The following RALYL variants were observed in gnomAD, a reference collection of about 807,000 sequenced individuals.
RALYL encodes the protein RNA-binding Raly-like protein.
A neutral mutation model predicts 35.1 loss-of-function variants in RALYL; 29 were observed. That is an observed-to-expected ratio of 0.83 (90% CI 0.61 to 1.13). The LOEUF is 1.13. RALYL is among the 50% of genes most tolerant of loss of function. The pLI is 0.00. For synonymous variants in RALYL, 120 were observed against 127.6 expected, an observed-to-expected ratio of 0.94 and a Z score of 0.40; for missense variants, 359 against 360.4, an observed-to-expected ratio of 1.00 and a Z score of 0.03.
intron 2 of RALYL, among the ~76,000 whole-genome samples, chr8:84,706,732 G>A (rs1017058073): frequency 2.6e-5 from 4 of 152,086 alleles, no homozygotes; most frequent in African/African-American, 9.7e-5. Flanking sequence ...GGAACTGAAA[G>A]CTATCAGGAT....
chr8:84,816,828 ATG>A (rs1827418536), intron 4 of RALYL, among the ~76,000 whole-genome samples: 1 of 152,168 alleles, frequency 6.6e-6, no homozygotes, highest in South Asian at 2.1e-4. Flanking sequence ...ATTCTCCCTG[ATG>A]TGATTATTAC....
At chr8:84,630,553 A>T (rs1823698960) in intron 2 of RALYL, among the ~76,000 whole-genome samples, 1 of 152,036 alleles carries the variant, frequency 6.6e-6, no homozygotes, top group Admixed American at 6.6e-5. Context: ...GTTTCTCCTC[A>T]ATAATGCTCA....
intron 1 of RALYL, among the ~76,000 whole-genome samples, chr8:84,481,756 A>C (rs972785812): frequency 6.6e-6 from 1 of 152,138 alleles, no homozygotes; most frequent in Non-Finnish European, 1.5e-5. Context: ...ATGAGTATCT[A>C]AAACAGTAAA....
intron 1 of RALYL, among the ~76,000 whole-genome samples, chr8:84,373,377 C>T (rs751470893): frequency 1.3e-5 from 2 of 151,836 alleles, no homozygotes; most frequent in Non-Finnish European, 2.9e-5. Flanking sequence ...CTCCAATCCA[C>T]CTTGAGTTGA....
chr8:84,685,850 T>C (rs79185499), intron 2 of RALYL, among the ~76,000 whole-genome samples: 1 of 152,294 alleles, frequency 6.6e-6, no homozygotes, highest in African/African-American at 2.4e-5. Context: ...CTGGTTTGCT[T>C]TTGGAAGTGA....
intron 2 of RALYL, among the ~76,000 whole-genome samples, chr8:84,701,255 C>T (rs1840138132): frequency 6.6e-6 from 1 of 152,124 alleles, no homozygotes; most frequent in South Asian, 2.1e-4. Flanking sequence ...GCTGGGAGTA[C>T]ATGGTCCAAG....
chr8:84,638,858 T>G (rs1368545521), intron 2 of RALYL, among the ~76,000 whole-genome samples: 2 of 105,610 alleles, frequency 1.9e-5, no homozygotes, highest in African/African-American at 6.5e-5. Context: ...TACGAGTATC[T>G]AATGCACGCA....
chr8:84,873,116 C>A, intron 6 of RALYL, 168 bp from the exon 7 acceptor site: 1 of 441,142 alleles, frequency 2.3e-6, no homozygotes, highest in Non-Finnish European at 4.1e-6. Flanking sequence ...GCAAAATCAT[C>A]CAGTATTCCA....
At chr8:84,461,916 A>C (rs2050835190) in intron 1 of RALYL, among the ~76,000 whole-genome samples, 1 of 151,580 alleles carries the variant, frequency 6.6e-6, no homozygotes. Flanking sequence ...TTATTACCAA[A>C]AGTCCATAAT....
chr8:84,454,273 G>A (rs1190196007), intron 1 of RALYL, among the ~76,000 whole-genome samples: 1 of 151,964 alleles, frequency 6.6e-6, no homozygotes, highest in East Asian at 1.9e-4. Context: ...CTAGCATCAG[G>A]TAGAAAAATA....
intron 1 of RALYL, among the ~76,000 whole-genome samples, chr8:84,367,330 T>A (rs1563800058): frequency 2.8e-3 from 71 of 24,968 alleles, no homozygotes; most frequent in African/African-American, 0.023. Flanking sequence ...TTTTTTTTTT[T>A]TTTTTTTTTT....
At chr8:84,776,570 A>G (rs1386064303) in intron 3 of RALYL, among the ~76,000 whole-genome samples, 1 of 152,206 alleles carries the variant, frequency 6.6e-6, no homozygotes, top group Non-Finnish European at 1.5e-5. Flanking sequence ...TATCAGATTC[A>G]TTTGTAAATG....
chr8:84,654,315 C>A (rs1048430590), intron 2 of RALYL, among the ~76,000 whole-genome samples: 95 of 49,820 alleles, frequency 1.9e-3, no homozygotes, highest in South Asian at 3.4e-3. Context: ...ATATATATAT[C>A]ATGTACCACA....
At chr8:84,622,396 T>C (rs1331407947) in intron 2 of RALYL, among the ~76,000 whole-genome samples, 2 of 152,240 alleles carry the variant, frequency 1.3e-5, no homozygotes, top group African/African-American at 2.4e-5. Flanking sequence ...GCCTCAGATA[T>C]GAGCATCGTT....
intron 2 of RALYL, among the ~76,000 whole-genome samples, chr8:84,704,480 C>CACACACACACACACACACACACA (rs145150857): frequency 2.2e-5 from 3 of 139,508 alleles, no homozygotes; most frequent in Non-Finnish European, 4.6e-5. Context: ...CACACACACA[C>CACACACACACACACACACACACA]ACAACAACTC....
intron 2 of RALYL, among the ~76,000 whole-genome samples, chr8:84,555,946 A>G (rs1042553116): frequency 1.3e-5 from 2 of 152,222 alleles, no homozygotes; most frequent in African/African-American, 2.4e-5. Flanking sequence ...TGCTTTTGCA[A>G]TAGAGTCATA....
intron 1 of RALYL, among the ~76,000 whole-genome samples, chr8:84,427,554 C>A (rs2046634112): frequency 6.6e-6 from 1 of 152,088 alleles, no homozygotes; most frequent in South Asian, 2.1e-4. Context: ...AAAAAAAAAC[C>A]TTTCAAGATC....
At chr8:84,529,196 C>T in intron 1 of RALYL, 103 bp from the exon 2 acceptor site, 1 of 1,196,314 alleles carries the variant, frequency 8.4e-7, no homozygotes, top group Non-Finnish European at 1.2e-6. Context: ...TGGAGGTTTC[C>T]TGAGTGTAAT....
intron 1 of RALYL, among the ~76,000 whole-genome samples, chr8:84,510,549 G>T (rs7825366): frequency 1.3e-5 from 2 of 151,946 alleles, no homozygotes; most frequent in East Asian, 1.9e-4. Context: ...GGTGGCTCAC[G>T]CATGTAATCC....
Sources: allele counts gnomAD v4.1 joint callset (sites outside exome capture counted in the v4.1 genomes callset), GRCh38; gene constraint gnomAD v4.1.1; transcripts MANE v1.5; gene names NCBI Gene and HGNC (gene_info 2026-07-23, HGNC 2026-07-21).